The following TAFA1 variants were observed in gnomAD, a reference collection of about 807,000 sequenced individuals.
TAFA1 encodes the protein chemokine-like protein TAFA-1.
Under a neutral mutation model 18.5 loss-of-function variants are expected in TAFA1, and 4 were observed. That is an observed-to-expected ratio of 0.22 (90% CI 0.11 to 0.49). The LOEUF (loss-of-function observed/expected upper bound fraction) is 0.49, where lower values mean the gene tolerates loss of function less well. Among genes scored for constraint, TAFA1 ranks in the 20% least tolerant of loss-of-function variants. The pLI, the probability that TAFA1 is intolerant of heterozygous loss-of-function variation, is 0.98. For missense variants in TAFA1, 147 were observed against 169.0 expected, an observed-to-expected ratio of 0.87 and a Z score of 0.72; for synonymous variants, 56 against 55.2, an observed-to-expected ratio of 1.01 and a Z score of -0.06.
rs138179766 is a variant in TAFA1, at chr3:68,429,911, C to T, written c.259+12491C>T. Reference sequence around the variant, plus strand: ...ATAACTCACTGTAATGTACTATAATCTTTGTTGACTTGTTATCTCCTTTGC... The same window carrying T: ...ATAACTCACTGTAATGTACTATAATTTTTGTTGACTTGTTATCTCCTTTGC... On this transcript the variant is annotated intron_variant, in intron 3 of 4. Coordinates refer to ENST00000478136, the MANE Select transcript of TAFA1 (RefSeq NM_213609.4). 1.4e-3 allele frequency among the ~76,000 whole-genome samples: 219 copies of T among 152,038 alleles called. 1 individual carries two copies. The highest frequency in any genetic ancestry group is 2.4e-3 in the Non-Finnish European group (165 of 67,902).
intron 3 of TAFA1, among the ~76,000 whole-genome samples, chr3:68,424,904 G>A (rs2071023128): frequency 6.6e-6 from 1 of 151,870 alleles, no homozygotes; most frequent in Admixed American, 6.6e-5. Flanking sequence ...AATAGACTTG[G>A]GGCCATGATG....
chr3:68,504,807 AGGTTTCAACCT>A (rs1384653756), intron 3 of TAFA1, among the ~76,000 whole-genome samples: 4 of 152,168 alleles, frequency 2.6e-5, no homozygotes, highest in African/African-American at 9.6e-5. Flanking sequence ...TAGTGGGGCC[AGGTTTCAACCT>A]GTGCTATGGT....
At chr3:68,481,948 A>C (rs1478608123) in intron 3 of TAFA1, among the ~76,000 whole-genome samples, 1 of 152,182 alleles carries the variant, frequency 6.6e-6, no homozygotes, top group Non-Finnish European at 1.5e-5. Context: ...TTCTCCCAAG[A>C]CACAACTTTT....
intron 2 of TAFA1, among the ~76,000 whole-genome samples, chr3:68,339,225 T>C (rs570945859): frequency 6.6e-6 from 1 of 152,348 alleles, no homozygotes; most frequent in Admixed American, 6.5e-5. Context: ...CTCACTGAAA[T>C]GTCATTGGTT....
At chr3:68,520,657 T>G (rs1211099776) in intron 3 of TAFA1, among the ~76,000 whole-genome samples, 1 of 152,230 alleles carries the variant, frequency 6.6e-6, no homozygotes, top group Non-Finnish European at 1.5e-5. Context: ...GGAAAATGAC[T>G]AATTTACATA....
chr3:68,427,123 T>C lies in TAFA1; in HGVS notation c.259+9703T>C, dbSNP rs1285034686. Reference sequence around the variant, plus strand: ...TGTCAGTTACCTAACTGCCATAAACTTGTTTACACATAACCTCAAATTCAC... The same window carrying C: ...TGTCAGTTACCTAACTGCCATAAACCTGTTTACACATAACCTCAAATTCAC... On this transcript the variant is annotated intron_variant, in intron 3 of 4. Coordinates refer to ENST00000478136, the MANE Select transcript of TAFA1 (RefSeq NM_213609.4). Among the ~76,000 whole-genome samples the C allele has an allele frequency of 3.9e-5, 6 of 151,932 alleles. No homozygotes were observed. The South Asian group carries it at 8.3e-4, about 21-fold the overall frequency.
At chr3:68,363,178 A>G (rs2106797970) in intron 2 of TAFA1, among the ~76,000 whole-genome samples, 1 of 152,204 alleles carries the variant, frequency 6.6e-6, no homozygotes, top group Middle Eastern at 3.4e-3. Context: ...TTTGGAATGC[A>G]TGCCTGGCAC....
chr3:68,372,132 A>G (rs2069718770), intron 2 of TAFA1, among the ~76,000 whole-genome samples: 1 of 152,138 alleles, frequency 6.6e-6, no homozygotes, highest in Non-Finnish European at 1.5e-5. Context: ...CTTTTGGATA[A>G]ATATTTAAGT....
intron 2 of TAFA1, among the ~76,000 whole-genome samples, chr3:68,242,677 CT>C (rs1033718619): frequency 2.0e-5 from 3 of 152,088 alleles, no homozygotes; most frequent in Non-Finnish European, 4.4e-5. Flanking sequence ...ATTTGTCCTA[CT>C]TAAGTGTTAT....
At chr3:68,145,748 C>A in intron 2 of TAFA1, 2 of 614,402 alleles carry the variant, frequency 3.3e-6, no homozygotes, top group South Asian at 1.9e-5. Context: ...GCATTCCTTA[C>A]TATGTGATAA....
At chr3:68,466,029 T>C (rs1054653049) in intron 3 of TAFA1, among the ~76,000 whole-genome samples, 1 of 152,162 alleles carries the variant, frequency 6.6e-6, no homozygotes, top group African/African-American at 2.4e-5. Context: ...GATGTTATCA[T>C]TTGTTGAGTG....
chr3:68,170,828 G>C (rs1196153365), intron 2 of TAFA1, among the ~76,000 whole-genome samples: 5 of 151,880 alleles, frequency 3.3e-5, no homozygotes. Flanking sequence ...CAGAGACATA[G>C]AGACTTCTAT....
intron 2 of TAFA1, among the ~76,000 whole-genome samples, chr3:68,079,109 G>C (rs182399145): frequency 2.4e-4 from 36 of 152,256 alleles, no homozygotes; most frequent in Admixed American, 6.5e-4. Context: ...AGAGGTGTTT[G>C]TAGTATTCTC....
chr3:68,382,478 C>A (rs889495492), intron 2 of TAFA1, among the ~76,000 whole-genome samples: 3 of 151,624 alleles, frequency 2.0e-5, no homozygotes, highest in African/African-American at 7.3e-5. Context: ...AATAGGGAAT[C>A]CTTTCCCTGT....
chr3:68,481,522 G>C (rs948574701), intron 3 of TAFA1, among the ~76,000 whole-genome samples: 5 of 152,122 alleles, frequency 3.3e-5, no homozygotes, highest in Admixed American at 6.5e-5. Context: ...ACACCCTTTA[G>C]AGGCAGAGTT....
In TAFA1 at chr3:68,386,124, C is replaced by T. The variant is rs150638469; in HGVS notation, c.119-31156C>T. On this transcript the variant is annotated intron_variant, in intron 2 of 4. Transcript: ENST00000478136. ...CTTTGCTGACTTGCTATGAACAAGA[C>T]ATTGTGCCAAATTTATTCTCCACAC... is the stretch of plus-strand genomic sequence containing the variant. Among the ~76,000 whole-genome samples, 1,055 of 152,202 alleles carry T rather than the reference C, an allele frequency of 6.9e-3. 9 individuals are homozygous for T. Among genetic ancestry groups the T allele is most frequent in the African/African-American group, 0.025 (1,020 of 41,518 alleles).
intron 2 of TAFA1, chr3:68,247,731 A>G (rs1045462009): frequency 6.6e-5 from 10 of 152,244 alleles, no homozygotes; most frequent in Non-Finnish European, 5.9e-5. Flanking sequence ...TTTTTAAAAC[A>G]GCAACACGAT....
chr3:68,085,171 G>C (rs2064955717), intron 2 of TAFA1, among the ~76,000 whole-genome samples: 1 of 152,158 alleles, frequency 6.6e-6, no homozygotes, highest in Non-Finnish European at 1.5e-5. Flanking sequence ...CTGAGAGTAA[G>C]GCATTGCTAT....
At chr3:68,452,077 A>G (rs2071574222) in intron 3 of TAFA1, among the ~76,000 whole-genome samples, 1 of 152,134 alleles carries the variant, frequency 6.6e-6, no homozygotes, top group South Asian at 2.1e-4. Flanking sequence ...GGAGAAAACA[A>G]AAGGACCCAG....
Sources: allele counts gnomAD v4.1 joint callset (sites outside exome capture counted in the v4.1 genomes callset), GRCh38; gene constraint gnomAD v4.1.1; transcripts MANE v1.5; gene names NCBI Gene and HGNC (gene_info 2026-07-23, HGNC 2026-07-21).